Variants in REV1 observed in about 807,000 individuals in gnomAD.
The protein encoded by REV1 is REV1 DNA directed polymerase, also known as translesion synthesis protein REV1.
Under a neutral mutation model 137.4 loss-of-function variants are expected in REV1, and 42 were observed. The ratio of observed to expected loss-of-function variants is 0.31; its 90% CI spans 0.24 to 0.40. The LOEUF is 0.40. Ranked by LOEUF, REV1 falls within the 10% of genes least tolerant of loss-of-function variation. The pLI is 1.00. For synonymous variants in REV1, 524 were observed against 519.2 expected (o/e 1.01, Z -0.12); for missense variants, 1,282 against 1,490.1 (o/e 0.86, Z 2.30).
At chr2:99,458,242 C>G (rs1192052709) in intron 3 of REV1, among the ~76,000 whole-genome samples, 1 of 151,992 alleles carries the variant, frequency 6.6e-6, no homozygotes, top group Non-Finnish European at 1.5e-5. Flanking sequence ...CAAAACTAAA[C>G]AGTAAAAAAT....
chr2:99,465,978 G>A (rs1575194867), intron 1 of REV1, among the ~76,000 whole-genome samples: 1 of 152,104 alleles, frequency 6.6e-6, no homozygotes, highest in African/African-American at 2.4e-5. Context: ...GTCTCGCTCT[G>A]TTGCCCAGGC....
At chr2:99,460,811 A>T (rs1402961041) in intron 3 of REV1, among the ~76,000 whole-genome samples, 1 of 152,202 alleles carries the variant, frequency 6.6e-6, no homozygotes, top group Non-Finnish European at 1.5e-5. Context: ...GATAGAGATA[A>T]TAACAGATCT....
At chr2:99,467,719 T>C (rs1347607683) in intron 1 of REV1, among the ~76,000 whole-genome samples, 1 of 152,212 alleles carries the variant, frequency 6.6e-6, no homozygotes, top group Non-Finnish European at 1.5e-5. Context: ...TTGCAGAAAC[T>C]GTATTCATTA....
intron 3 of REV1, among the ~76,000 whole-genome samples, chr2:99,454,005 C>T (rs991005019): frequency 4.6e-5 from 7 of 151,020 alleles, no homozygotes; most frequent in African/African-American, 1.5e-4. Flanking sequence ...AGAGTGAGTG[C>T]TTTTCTCCTC....
At chr2:99,468,540 G>A (rs926584135) in intron 1 of REV1, among the ~76,000 whole-genome samples, 2 of 152,178 alleles carry the variant, frequency 1.3e-5, no homozygotes, top group South Asian at 4.1e-4. Flanking sequence ...AGCTAGACTT[G>A]TAAACAAAAA....
At chr2:99,475,785 C>G (rs1432576967) in intron 1 of REV1, among the ~76,000 whole-genome samples, 1 of 152,106 alleles carries the variant, frequency 6.6e-6, no homozygotes, top group Non-Finnish European at 1.5e-5. Flanking sequence ...GAGTTCAAGA[C>G]CAGCCTGGTC....
At chr2:99,469,463 T>C (rs1198983358) in intron 1 of REV1, among the ~76,000 whole-genome samples, 1 of 152,108 alleles carries the variant, frequency 6.6e-6, no homozygotes, top group Non-Finnish European at 1.5e-5. Context: ...AAAGACCAAC[T>C]GAATTACAGG....
At chr2:99,426,304 G>A (rs1486234289) in intron 9 of REV1, among the ~76,000 whole-genome samples, 1 of 150,580 alleles carries the variant, frequency 6.6e-6, no homozygotes, top group East Asian at 1.9e-4. Flanking sequence ...CCAAGATCGT[G>A]CCATTGCACC....
chr2:99,439,274 T>A lies in REV1; in HGVS notation c.540A>T (p.Glu180Asp), dbSNP rs746548163. 1 of 1,613,604 alleles carries A rather than the reference T, an allele frequency of 6.2e-7. No individual in the cohort carries two copies. The highest frequency in any genetic ancestry group is 1.7e-5 in the Admixed American group (1 of 59,986). The part of the protein sequence containing the change: ...HIVKKIETEN[E>D]VKVNGMNSWN... ...AACTGTTCATGCCATTGACTTTGAC[T>A]TCATTTTCCGTTTCAATCTTCTTAA... The change falls in exon 6 of 23, where the codon GAA becomes GAT. Residue 180 changes from glutamate (E) to aspartate (D), a missense_variant. This residue lies in a region of REV1 where 432 missense variants were observed against 438.0 expected (regional missense o/e 0.99). Coordinates refer to ENST00000258428, the MANE Select transcript of REV1 (RefSeq NM_016316.4).
intron 3 of REV1, among the ~76,000 whole-genome samples, chr2:99,461,961 G>A (rs1256030059): frequency 6.6e-6 from 1 of 152,218 alleles, no homozygotes; most frequent in Non-Finnish European, 1.5e-5. Flanking sequence ...CTGGTGGGGA[G>A]GAGGTAGGAA....
intron 3 of REV1, among the ~76,000 whole-genome samples, chr2:99,452,097 CTCCTT>C: frequency 6.6e-6 from 1 of 152,150 alleles, no homozygotes; most frequent in African/African-American, 2.4e-5. Flanking sequence ...ATTTAACACT[CTCCTT>C]TAATTCAGCA....
At position 99,485,949 on chromosome 2, in the gene REV1, A is replaced by C. The variant is rs376111217; in HGVS notation, c.-11+3868T>G. ...AGACCAGCCTGGGCAAAACAGTAGG[A>C]CCCCATCTTTACAAAACATTAAAAG... On this transcript the variant is annotated intron_variant, in intron 1 of 22. Transcript: ENST00000258428. Among the ~76,000 whole-genome samples the C allele has an allele frequency of 7.2e-5, 11 of 152,184 alleles. No homozygotes were observed. The East Asian group carries it at 1.7e-3, about 24-fold the overall frequency.
Position 99,487,232 on chromosome 2 carries a change from C to G in REV1, c.-11+2585G>C, listed in dbSNP as rs1219287254. Among the ~76,000 whole-genome samples the G allele has an allele frequency of 2.6e-5, 4 of 152,008 alleles. 1 individual carries two copies. Among genetic ancestry groups the G allele is most frequent in the African/African-American group, 9.7e-5 (4 of 41,364 alleles). ...ACCTAGTAAGAGGTAACGTTAGAAG[C>G]TGGCAGCTGCCAAATCATGCTATGC... On this transcript the variant is annotated intron_variant, in intron 1 of 22. Transcript: ENST00000258428.
At chr2:99,408,369 A>G in intron 14 of REV1, 1 of 313,274 alleles carries the variant, frequency 3.2e-6, no homozygotes, top group South Asian at 1.4e-4. Flanking sequence ...AAAAACCGTA[A>G]TGGACACTTA....
At chr2:99,408,230 T>C in intron 14 of REV1, 99 bp from the exon 15 acceptor site, 1 of 585,448 alleles carries the variant, frequency 1.7e-6, no homozygotes, top group East Asian at 3.1e-5. Flanking sequence ...AGAAAAGTTG[T>C]AAACAGTTAC....
At position 99,438,764 on chromosome 2, in the gene REV1, T is replaced by C; in HGVS notation, c.1050A>G (p.Ser350=). 4 of 1,614,246 alleles carry C rather than the reference T, an allele frequency of 2.5e-6. No homozygotes were observed. The Admixed American group carries it at 6.7e-5, about 27-fold the overall frequency. ...PSKPSDCNFI[S]NFYSHSRLHH... ...GCAGTCTTGAATGAGAATAGAAGTTTGAAATAAAATTGCAGTCTGAAGGTT... is the reference window on the plus strand; with the variant it reads ...GCAGTCTTGAATGAGAATAGAAGTTCGAAATAAAATTGCAGTCTGAAGGTT... The change falls in exon 6 of 23, where the codon TCA becomes TCG. Residue 350 remains serine (S), a synonymous_variant. Coordinates refer to ENST00000258428, the MANE Select transcript of REV1 (RefSeq NM_016316.4).
Position 99,439,136 on chromosome 2 carries a change from A to G in REV1, c.678T>C (p.Asn226=). 1 of 1,614,170 alleles carries G rather than the reference A, an allele frequency of 6.2e-7. No individual in the cohort carries two copies. The highest frequency in any genetic ancestry group is 8.5e-7 in the Non-Finnish European group (1 of 1,180,022). ...PHPRGSTAIF[N]GHTPSSNGAL... ...CACCATTAGAGCTAGGAGTGTGTCC[A>G]TTAAAAATGGCAGTGCTCCCTCTGG... Residue 226 remains asparagine, a synonymous_variant, in exon 6 of 23, where the codon AAT becomes AAC. Transcript: ENST00000258428.
At chr2:99,429,277 A>C (rs1468390841) in intron 9 of REV1, among the ~76,000 whole-genome samples, 1 of 152,194 alleles carries the variant, frequency 6.6e-6, no homozygotes, top group Non-Finnish European at 1.5e-5. Context: ...TGAAACAGCC[A>C]ATTATAATTA....
At chr2:99,413,994 T>C (rs147189003) in intron 12 of REV1, among the ~76,000 whole-genome samples, 3 of 152,084 alleles carry the variant, frequency 2.0e-5, no homozygotes, top group Non-Finnish European at 4.4e-5. Context: ...CTCTATAAAA[T>C]AGAAAAAAGA....
Sources: allele counts gnomAD v4.1 joint callset (sites outside exome capture counted in the v4.1 genomes callset), GRCh38; gene constraint gnomAD v4.1.1; regional missense constraint gnomAD v4.1.1; transcripts MANE v1.5; gene names NCBI Gene and HGNC (gene_info 2026-07-23, HGNC 2026-07-21).